DPY19L4: variants seen among roughly 807,000 people sequenced by gnomAD.
DPY19L4 encodes dpy-19 like 4, also known as probable C-mannosyltransferase DPY19L4.
DPY19L4 carries 97 observed loss-of-function variants against 102.8 expected under a neutral mutation model. The observed-to-expected ratio is 0.94, with a 90% confidence interval of 0.80 to 1.12. The LOEUF (loss-of-function observed/expected upper bound fraction) is 1.12. DPY19L4 is among the 50% of genes most tolerant of loss of function. The pLI is 0.00. For missense variants in DPY19L4, 815 were observed against 850.4 expected, an observed-to-expected ratio of 0.96 and a Z score of 0.52; for synonymous variants, 252 against 283.1, an observed-to-expected ratio of 0.89 and a Z score of 1.10.
chr8:94,724,582 T>TTTTTG (rs2130781498), intron 1 of DPY19L4, among the ~76,000 whole-genome samples: 1 of 152,290 alleles, frequency 6.6e-6, no homozygotes, highest in East Asian at 1.9e-4. Context: ...TTTTTTGTTT[T>TTTTTG]TTTTGTTTTG....
rs1478551344 is a variant in DPY19L4 at position 94,769,131 on chromosome 8, G to A, written c.1334+578G>A. On this transcript the variant is annotated intron_variant, in intron 12 of 18. Coordinates refer to ENST00000414645, the MANE Select transcript of DPY19L4 (RefSeq NM_181787.3). Reference sequence around the variant, plus strand: ...GGCTGGAGTGCAGTGGCACGATCTCGGCTCACCACAACCTCCACCTCCTGG... The same window carrying A: ...GGCTGGAGTGCAGTGGCACGATCTCAGCTCACCACAACCTCCACCTCCTGG... 5.0e-5 allele frequency among the ~76,000 whole-genome samples: 7 copies of A among 139,660 alleles called. No individual in the cohort carries two copies. In the South Asian group the frequency reaches 1.2e-3, roughly 24 times the overall value. The allele number at this position is 139,660 out of a possible 152,430, so 91.6% of individuals were successfully genotyped here. A position where few individuals can be genotyped will look rare whatever the true frequency, so the allele number is the denominator to read the frequency against.
chr8:94,778,652 T>A (rs1813293148), intron 14 of DPY19L4, among the ~76,000 whole-genome samples: 1 of 151,654 alleles, frequency 6.6e-6, no homozygotes, highest in African/African-American at 2.4e-5. Context: ...GCTACTCAAT[T>A]CTGTTTTTCT....
At chr8:94,769,010 T>TA (rs527976884) in intron 12 of DPY19L4, among the ~76,000 whole-genome samples, 1,474 of 124,856 alleles carry the variant, frequency 0.012, 27 homozygotes, top group African/African-American at 0.036. Context: ...ACTCCCTCTC[T>TA]AAAAAAAAAA....
intron 1 of DPY19L4, chr8:94,720,372 C>T (rs1810405796): frequency 3.2e-6 from 2 of 626,212 alleles, no homozygotes; most frequent in South Asian, 7.1e-5. Context: ...TTTAGGTACT[C>T]AGTGCATATT....
At chr8:94,730,187 T>G (rs1810884238) in intron 2 of DPY19L4, among the ~76,000 whole-genome samples, 1 of 152,206 alleles carries the variant, frequency 6.6e-6, no homozygotes. Context: ...TAGTGACATT[T>G]CATAATCTGT....
intron 17 of DPY19L4, among the ~76,000 whole-genome samples, chr8:94,784,506 G>GC (rs1202812010): frequency 6.6e-6 from 1 of 152,122 alleles, no homozygotes; most frequent in Non-Finnish European, 1.5e-5. Context: ...TTGGCTCACT[G>GC]CAACCTCCAC....
At chr8:94,765,631 C>A in intron 9 of DPY19L4, 80 bp from the exon 10 acceptor site, 1 of 1,098,306 alleles carries the variant, frequency 9.1e-7, no homozygotes, top group South Asian at 1.3e-5. Flanking sequence ...CCACTGTGCT[C>A]GGCCATTCTT....
chr8:94,767,752 G>A (rs901031485), intron 11 of DPY19L4, among the ~76,000 whole-genome samples: 6 of 151,922 alleles, frequency 3.9e-5, no homozygotes, highest in Non-Finnish European at 8.8e-5. Flanking sequence ...ATATACAGTA[G>A]GTCTATCCAA....
Position 94,793,355 on chromosome 8 carries a change from A to C in DPY19L4, c.*3445A>C, listed in dbSNP as rs1813933433. On this transcript the variant is annotated 3_prime_UTR_variant, in exon 19 of 19. Coordinates refer to ENST00000414645, the MANE Select transcript of DPY19L4 (RefSeq NM_181787.3). ...GGGCCCCTATTTTTGAACTGTTAAAAAATTTTGATGCTTTTCGTGGATAAA... is the reference window on the plus strand; with the variant it reads ...GGGCCCCTATTTTTGAACTGTTAAACAATTTTGATGCTTTTCGTGGATAAA... 6.6e-6 allele frequency: 1 copy of C among 152,218 alleles called. No individual in the cohort carries two copies. Among genetic ancestry groups the C allele is most frequent in the Non-Finnish European group, 1.5e-5 (1 of 68,036 alleles). The allele number at this position is 152,218 out of a possible 1,614,324, so 9.4% of individuals were successfully genotyped here. A position where few individuals can be genotyped will look rare whatever the true frequency, so the allele number is the denominator to read the frequency against.
At chr8:94,755,573 T>G (rs878956886) in intron 6 of DPY19L4, among the ~76,000 whole-genome samples, 1 of 152,158 alleles carries the variant, frequency 6.6e-6, no homozygotes, top group East Asian at 1.9e-4. Context: ...GAGACCCTAT[T>G]AATTTGCTCA....
chr8:94,751,507 T>A (rs893742222), intron 6 of DPY19L4, among the ~76,000 whole-genome samples: 8 of 148,752 alleles, frequency 5.4e-5, no homozygotes, highest in South Asian at 4.2e-4. Flanking sequence ...TTATTTATTT[T>A]TTGAGACTGA....
At chr8:94,750,065 C>A (rs2130847548) in intron 6 of DPY19L4, among the ~76,000 whole-genome samples, 1 of 152,280 alleles carries the variant, frequency 6.6e-6, no homozygotes, top group Non-Finnish European at 1.5e-5. Context: ...AAGTGATTCT[C>A]ATGCCTCAGC....
intron 8 of DPY19L4, among the ~76,000 whole-genome samples, chr8:94,763,451 C>A (rs1263290805): frequency 6.7e-6 from 1 of 149,372 alleles, no homozygotes; most frequent in Non-Finnish European, 1.5e-5. Context: ...AGCAATCCTC[C>A]CACCTCAGCC....
At chr8:94,742,363 A>G (rs895458130) in intron 6 of DPY19L4, among the ~76,000 whole-genome samples, 35 of 152,072 alleles carry the variant, frequency 2.3e-4, no homozygotes, top group Admixed American at 2.6e-4. Flanking sequence ...GTCTCAAAAA[A>G]AAAGAAAGTC....
At chr8:94,726,968 T>G (rs1328070100) in intron 2 of DPY19L4, among the ~76,000 whole-genome samples, 1 of 152,160 alleles carries the variant, frequency 6.6e-6, no homozygotes, top group Non-Finnish European at 1.5e-5. Flanking sequence ...TGTGATTTAT[T>G]TCTCTCCCTC....
At chr8:94,740,477 C>T (rs192836945) in intron 6 of DPY19L4, among the ~76,000 whole-genome samples, 11 of 151,974 alleles carry the variant, frequency 7.2e-5, no homozygotes, top group African/African-American at 1.5e-4. Flanking sequence ...TTTTTTGAGA[C>T]GGAGTCTTGC....
chr8:94,735,567 A>C (rs1811155161), intron 3 of DPY19L4, among the ~76,000 whole-genome samples: 2 of 152,210 alleles, frequency 1.3e-5, no homozygotes. Flanking sequence ...CCTCCCTCTC[A>C]GATTCTTAGG....
At chr8:94,730,562 A>G (rs576517524) in intron 2 of DPY19L4, among the ~76,000 whole-genome samples, 24 of 151,554 alleles carry the variant, frequency 1.6e-4, no homozygotes, top group African/African-American at 5.3e-4. Flanking sequence ...CCTGACCAAC[A>G]TGGATAAACT....
chr8:94,786,875 C>G (rs1219640956), intron 17 of DPY19L4, among the ~76,000 whole-genome samples: 1 of 152,152 alleles, frequency 6.6e-6, no homozygotes, highest in East Asian at 1.9e-4. Flanking sequence ...TACACAGAGT[C>G]TCTAATTCAT....
Sources: gnomAD v4.1 joint callset for allele counts (sites outside exome capture counted in the v4.1 genomes callset) on GRCh38, gnomAD v4.1.1 for gene constraint, MANE v1.5 for transcripts, NCBI Gene and HGNC (gene_info 2026-07-23, HGNC 2026-07-21) for gene names.